Variants in ACSBG2 observed in about 807,000 individuals in gnomAD.
The protein encoded by ACSBG2 is acyl-CoA synthetase bubblegum family member 2.
In ACSBG2, 62 loss-of-function variants were observed where a neutral mutation model predicts 74.7. The observed-to-expected ratio is 0.83, with a 90% CI of 0.68 to 1.03. The LOEUF is 1.03. Among genes scored for constraint, ACSBG2 ranks in the 50% least tolerant of loss-of-function variants. The pLI is 0.00. For synonymous variants in ACSBG2, 309 were observed against 294.1 expected (o/e 1.05, Z -0.52); for missense variants, 730 against 817.6 (o/e 0.89, Z 1.31).
At chr19:6,153,679 A>C (rs2089309965) in intron 4 of ACSBG2, among the ~76,000 whole-genome samples, 1 of 151,908 alleles carries the variant, frequency 6.6e-6, no homozygotes, top group African/African-American at 2.4e-5. Context: ...CTAAAAAATA[A>C]AATAAAAGTG....
chr19:6,176,739 C>A (rs2090098648), intron 7 of ACSBG2, among the ~76,000 whole-genome samples: 1 of 151,834 alleles, frequency 6.6e-6, no homozygotes. Context: ...AGTTACCAAC[C>A]CCCAGGTGTT....
Position 6,180,680 on chromosome 19 carries a change from G to A in ACSBG2, c.907-2071G>A, listed in dbSNP as rs2090220143. ...TCTGAAGTACGTGCACCAGAAATGT[G>A]CGAAGGTTACAGTTTCTCTACATCT... On this transcript the variant is annotated intron_variant, in intron 8 of 14. Coordinates refer to ENST00000588485, the MANE Select transcript of ACSBG2 (RefSeq NM_030924.5). The surrounding 1 kb of genome is among the most constrained non-coding windows in gnomAD (Gnocchi z 4.3). Among the ~76,000 whole-genome samples the A allele has an allele frequency of 6.6e-6, 1 of 152,182 alleles. No individual in the cohort carries two copies. The highest frequency in any genetic ancestry group is 1.9e-4 in the East Asian group (1 of 5,202).
At chr19:6,138,683 G>A (rs62107238) in intron 1 of ACSBG2, among the ~76,000 whole-genome samples, 40,041 of 84,356 alleles carry the variant, frequency 0.47, 8,665 homozygotes, top group East Asian at 0.52. Flanking sequence ...GACGGAGGGA[G>A]GAAGGAAGAG....
At chr19:6,165,537 C>T (rs982900399) in intron 6 of ACSBG2, among the ~76,000 whole-genome samples, 10 of 152,214 alleles carry the variant, frequency 6.6e-5, no homozygotes, top group South Asian at 4.1e-4. Context: ...CACTTACCAC[C>T]TGCCAACTAC....
At chr19:6,163,781 T>TAAAAAAAAAAAA in intron 6 of ACSBG2, among the ~76,000 whole-genome samples, 1 of 24,252 alleles carries the variant, frequency 4.1e-5, no homozygotes, top group Non-Finnish European at 8.3e-5. Flanking sequence ...TAAAATAAAA[T>TAAAAAAAAAAAA]ACAAAAAAAA....
chr19:6,173,937 ATTTT>A (rs56905660), intron 7 of ACSBG2, among the ~76,000 whole-genome samples: 10 of 130,994 alleles, frequency 7.6e-5, no homozygotes, highest in African/African-American at 2.0e-4. Context: ...CTCTTGAACT[ATTTT>A]TTTTTTTTTT....
Position 6,165,040 on chromosome 19 carries a change from G to A in ACSBG2, c.589-826G>A, listed in dbSNP as rs574351138. On this transcript the variant is annotated intron_variant, in intron 6 of 14. Transcript: ENST00000588485. ...ATTATCAATAAGGATGCCTTTGGTC[G>A]TAAGTGACAAAAGTCTGACCCCAAA... Among the ~76,000 whole-genome samples the A allele has an allele frequency of 7.2e-5, 11 of 152,314 alleles. No homozygotes were observed. The East Asian group carries it at 1.2e-3, about 16-fold the overall frequency.
At chr19:6,146,568 C>T (rs2089041442) in intron 2 of ACSBG2, among the ~76,000 whole-genome samples, 2 of 150,110 alleles carry the variant, frequency 1.3e-5, no homozygotes, top group Non-Finnish European at 3.0e-5. Flanking sequence ...GAGTTCGAGA[C>T]CAGCCTGACC....
chr19:6,157,901 T>A (rs1360616805), intron 5 of ACSBG2, among the ~76,000 whole-genome samples: 1 of 152,160 alleles, frequency 6.6e-6, no homozygotes, highest in Non-Finnish European at 1.5e-5. Context: ...ATTTCTTGCC[T>A]AAGTTCTATC....
At chr19:6,140,265 A>T (rs2088771744) in intron 1 of ACSBG2, among the ~76,000 whole-genome samples, 2 of 151,832 alleles carry the variant, frequency 1.3e-5, no homozygotes, top group Admixed American at 1.3e-4. Flanking sequence ...AGAATTAAAC[A>T]ACCTGAAGGA....
chr19:6,168,286 A>C (rs565593280), intron 7 of ACSBG2, among the ~76,000 whole-genome samples: 1 of 152,230 alleles, frequency 6.6e-6, no homozygotes, highest in Admixed American at 6.5e-5. Flanking sequence ...ATTTTTCCAC[A>C]CAGCTTGTTC....
Position 6,161,252 on chromosome 19 carries a change from T to C in ACSBG2, c.545T>C (p.Ile182Thr). The change falls in exon 6 of 15, where the codon ATC (isoleucine) becomes ACC (threonine). Residue 182 changes from isoleucine (I) to threonine (T), a missense_variant. By Grantham distance (89) the Ile-to-Thr change is moderately conservative. Coordinates refer to ENST00000588485, the MANE Select transcript of ACSBG2 (RefSeq NM_030924.5). ...AGCCTAGAGCCCCTAAAAGCGATCA[T>C]CCAGTACAGACTGCCAATGAAGAAG... Reference protein sequence around the residue: ...QSSLEPLKAIIQYRLPMKKNN... With the variant: ...QSSLEPLKAITQYRLPMKKNN... The C allele has an allele frequency of 6.2e-7, 1 of 1,613,540 alleles. No individual in the cohort carries two copies. The highest frequency in any genetic ancestry group is 8.5e-7 in the Non-Finnish European group (1 of 1,179,668).
At chr19:6,186,060 T>C (rs900233743) in intron 11 of ACSBG2, among the ~76,000 whole-genome samples, 92 of 135,464 alleles carry the variant, frequency 6.8e-4, no homozygotes, top group African/African-American at 2.8e-3. Context: ...CAGTTTTACT[T>C]TTTTTTTTTT....
intron 13 of ACSBG2, 88 bp downstream of exon 13, chr19:6,187,933 C>T: frequency 6.5e-7 from 1 of 1,545,542 alleles, no homozygotes; most frequent in South Asian, 1.3e-5. Flanking sequence ...TTCTGAAGGT[C>T]AGAGGGTCTA....
At chr19:6,158,946 TTTTC>T (rs2089518504) in intron 5 of ACSBG2, among the ~76,000 whole-genome samples, 1 of 152,044 alleles carries the variant, frequency 6.6e-6, no homozygotes, top group African/African-American at 2.4e-5. Flanking sequence ...TTTTCTTTTC[TTTTC>T]TTTTTTTGTT....
In ACSBG2 at chr19:6,190,062, T is replaced by C. The variant is rs559577673; in HGVS notation, c.1928-522T>C. 1.2e-4 allele frequency: 18 copies of C among 156,150 alleles called. No individual in the cohort carries two copies. The East Asian group carries it at 3.3e-3, about 29-fold the overall frequency. 9.7% of individuals were successfully genotyped at this position (156,150 alleles called of 1,614,324 possible). On this transcript the variant is annotated intron_variant, in intron 13 of 14. Coordinates refer to ENST00000588485, the MANE Select transcript of ACSBG2 (RefSeq NM_030924.5). ...TGTTTTGCCATGTTGTCCAGGCTGGTGGTCTTCTCATCTATAAGTTGAAAA... is the reference window on the plus strand; with the variant it reads ...TGTTTTGCCATGTTGTCCAGGCTGGCGGTCTTCTCATCTATAAGTTGAAAA...
intron 6 of ACSBG2, among the ~76,000 whole-genome samples, chr19:6,163,447 TAA>T (rs576003730): frequency 6.8e-5 from 2 of 29,230 alleles, no homozygotes; most frequent in Non-Finnish European, 2.0e-4. Flanking sequence ...AGACTCCATC[TAA>T]AAAAAAAAAG....
chr19:6,187,186 G>C, intron 11 of ACSBG2, 97 bp from the exon 12 acceptor site: 1 of 1,531,306 alleles, frequency 6.5e-7, no homozygotes, highest in South Asian at 1.2e-5. Context: ...TGTATATTTA[G>C]TAGAGACGGG....
chr19:6,136,510 G>A (rs868563004), intron 1 of ACSBG2, among the ~76,000 whole-genome samples: 2 of 150,798 alleles, frequency 1.3e-5, no homozygotes, highest in Non-Finnish European at 3.0e-5. Context: ...TTATAGGCAC[G>A]CGCCACCATG....
Sources: gnomAD v4.1 joint callset for allele counts (sites outside exome capture counted in the v4.1 genomes callset) on GRCh38, gnomAD v4.1.1 for gene constraint, Gnocchi (gnomAD v3.1) non-coding constraint, MANE v1.5 for transcripts, NCBI Gene and HGNC (gene_info 2026-07-23, HGNC 2026-07-21) for gene names.